SFMBT2: variants seen among roughly 807,000 people sequenced by gnomAD.
SFMBT2 encodes the protein scm-like with four MBT domains protein 2.
A neutral mutation model predicts 110.1 loss-of-function variants in SFMBT2; 38 were observed. The ratio of observed to expected loss-of-function variants is 0.35; its 90% CI spans 0.27 to 0.45. The LOEUF (loss-of-function observed/expected upper bound fraction) is 0.45, where lower values mean the gene tolerates loss of function less well. Ranked by LOEUF, SFMBT2 falls within the 20% of genes least tolerant of loss-of-function variation. The pLI is 1.00. For synonymous variants in SFMBT2, 425 were observed against 425.4 expected (o/e 1.00, Z 0.01); for missense variants, 1,011 against 1,094.9 (o/e 0.92, Z 1.08).
At chr10:7,352,734 G>C (rs1030111892) in intron 4 of SFMBT2, among the ~76,000 whole-genome samples, 1 of 152,122 alleles carries the variant, frequency 6.6e-6, no homozygotes. Flanking sequence ...CACTGGGGCC[G>C]GGCGTGGTGG....
intron 4 of SFMBT2, among the ~76,000 whole-genome samples, chr10:7,325,780 G>A (rs551938039): frequency 2.0e-5 from 3 of 152,260 alleles, no homozygotes; most frequent in East Asian, 1.9e-4. Context: ...GGCTGCTATC[G>A]GGTAACGGTT....
At position 7,171,134 on chromosome 10, in the gene SFMBT2, G is replaced by T; in HGVS notation, c.2416-78C>A. 1 of 1,596,410 alleles carries T rather than the reference G, an allele frequency of 6.3e-7. No individual in the cohort carries two copies. Among genetic ancestry groups the T allele is most frequent in the East Asian group, 2.2e-5 (1 of 44,544 alleles). ...TCCTCTCCAGCACTCTCCAGGCCTC[G>T]GCCGTTCCTGGCCGGAAGCCACTGC... On this transcript the variant is annotated intron_variant, in intron 19 of 20. Coordinates refer to ENST00000397167, the MANE Select transcript of SFMBT2 (RefSeq NM_001387889.1). The surrounding 1 kb of genome is among the most constrained non-coding windows in gnomAD (Gnocchi z 4.9).
intron 7 of SFMBT2, among the ~76,000 whole-genome samples, chr10:7,256,344 A>G (rs753842803): frequency 6.6e-6 from 1 of 152,272 alleles, no homozygotes; most frequent in Non-Finnish European, 1.5e-5. Context: ...AAAGCCCCCT[A>G]GAATTTTCTT....
intron 7 of SFMBT2, among the ~76,000 whole-genome samples, chr10:7,261,020 G>T (rs1554794757): frequency 6.6e-6 from 1 of 151,780 alleles, no homozygotes; most frequent in Non-Finnish European, 1.5e-5. Context: ...CTCACCCATG[G>T]TCTCTCTGTA....
chr10:7,256,890 G>C (rs1275656025), intron 7 of SFMBT2, among the ~76,000 whole-genome samples: 1 of 152,116 alleles, frequency 6.6e-6, no homozygotes, highest in African/African-American at 2.4e-5. Flanking sequence ...TCAGGAGTTT[G>C]AGAGCAGCCT....
In SFMBT2 at chr10:7,206,798, C is replaced by G. The variant is rs185716515; in HGVS notation, c.1331-870G>C. The G allele has an allele frequency of 1.6e-4, 150 of 917,608 alleles. No individual in the cohort carries two copies. In the East Asian group the frequency reaches 0.011, roughly 69 times the overall value. 56.8% of individuals were successfully genotyped at this position (917,608 alleles called of 1,614,324 possible). A position where few individuals can be genotyped will look rare whatever the true frequency, so the allele number is the denominator to read the frequency against. The stretch of plus-strand genomic sequence containing the variant: ...CTAGTTAAAAGAAGAAAATTCGACA[C>G]CAAATCAATAGTTAAGAAAAAAACA... On this transcript the variant is annotated intron_variant, in intron 11 of 20. Transcript: ENST00000397167.
Position 7,251,863 on chromosome 10 carries a change from G to A in SFMBT2, c.871-3214C>T, listed in dbSNP as rs562017919. 3.0e-4 allele frequency among the ~76,000 whole-genome samples: 46 copies of A among 152,226 alleles called. 1 individual carries two copies. The highest frequency in any genetic ancestry group is 9.4e-4 in the African/African-American group (39 of 41,516). Reference sequence around the variant, plus strand: ...GAGGCATTCCTGAGGTCTGGTGCACGGGGACAAGCATGGGTCTTCTCCCTG... The same window carrying A: ...GAGGCATTCCTGAGGTCTGGTGCACAGGGACAAGCATGGGTCTTCTCCCTG... On this transcript the variant is annotated intron_variant, in intron 7 of 20. Transcript: ENST00000397167.
chr10:7,357,392 A>C (rs958042980), intron 4 of SFMBT2, among the ~76,000 whole-genome samples: 2 of 152,150 alleles, frequency 1.3e-5, no homozygotes, highest in African/African-American at 4.8e-5. Flanking sequence ...GCCTCATCAA[A>C]TCAGTCGAAG....
chr10:7,258,419 T>C (rs1231533257), intron 7 of SFMBT2, among the ~76,000 whole-genome samples: 1 of 152,208 alleles, frequency 6.6e-6, no homozygotes, highest in East Asian at 1.9e-4. Flanking sequence ...AGCAACAAAA[T>C]CTTTTAGTGT....
At chr10:7,299,970 T>A in intron 4 of SFMBT2, among the ~76,000 whole-genome samples, 1 of 152,000 alleles carries the variant, frequency 6.6e-6, no homozygotes, top group East Asian at 1.9e-4. Flanking sequence ...TAAAAAGGAA[T>A]GAATACTATG....
At chr10:7,191,884 C>G (rs562249925) in intron 15 of SFMBT2, among the ~76,000 whole-genome samples, 1 of 152,152 alleles carries the variant, frequency 6.6e-6, no homozygotes. Context: ...TAAATTCACT[C>G]CAAGTATTTG....
At chr10:7,357,972 G>C (rs1844574002) in intron 4 of SFMBT2, among the ~76,000 whole-genome samples, 1 of 151,782 alleles carries the variant, frequency 6.6e-6, no homozygotes, top group South Asian at 2.1e-4. Flanking sequence ...AATGAATGGA[G>C]GCATGGCTCT....
intron 10 of SFMBT2, among the ~76,000 whole-genome samples, chr10:7,224,593 TC>T (rs1660209661): frequency 6.6e-6 from 1 of 152,350 alleles, no homozygotes; most frequent in Non-Finnish European, 1.5e-5. Flanking sequence ...TCTCCTGTTC[TC>T]CTGCCTCCTT....
At chr10:7,379,095 G>A (rs1036323060) in intron 2 of SFMBT2, among the ~76,000 whole-genome samples, 2 of 152,086 alleles carry the variant, frequency 1.3e-5, no homozygotes, top group East Asian at 1.9e-4. Flanking sequence ...ATTAACACAC[G>A]CAAAGAACTT....
intron 2 of SFMBT2, among the ~76,000 whole-genome samples, chr10:7,380,867 C>T (rs1013905781): frequency 5.9e-5 from 9 of 152,072 alleles, no homozygotes; most frequent in African/African-American, 2.2e-4. Flanking sequence ...CTGGACAACA[C>T]AGTGAGACCC....
chr10:7,360,350 C>G (rs1314304897), intron 4 of SFMBT2, among the ~76,000 whole-genome samples: 1 of 152,116 alleles, frequency 6.6e-6, no homozygotes, highest in Non-Finnish European at 1.5e-5. Context: ...GCCTGTAGTT[C>G]CAGCTACTCA....
chr10:7,245,557 AC>A (rs1187461486), intron 8 of SFMBT2, among the ~76,000 whole-genome samples: 1 of 152,232 alleles, frequency 6.6e-6, no homozygotes, highest in Admixed American at 6.5e-5. Context: ...CCAGTCCATA[AC>A]CCACAGGACT....
At chr10:7,398,523 C>T (rs1320470611) in intron 1 of SFMBT2, among the ~76,000 whole-genome samples, 2 of 152,172 alleles carry the variant, frequency 1.3e-5, no homozygotes, top group Non-Finnish European at 2.9e-5. Context: ...CAGATATTTA[C>T]ACCCAAGCCA....
intron 10 of SFMBT2, among the ~76,000 whole-genome samples, chr10:7,223,253 G>A (rs1839803140): frequency 1.3e-5 from 2 of 152,206 alleles, no homozygotes; most frequent in African/African-American, 2.4e-5. Context: ...CCCATGAGCA[G>A]TGTGTGAGAG....
Sources: gnomAD v4.1 joint callset for allele counts (sites outside exome capture counted in the v4.1 genomes callset) on GRCh38, gnomAD v4.1.1 for gene constraint, Gnocchi (gnomAD v3.1) non-coding constraint, MANE v1.5 for transcripts, NCBI Gene and HGNC (gene_info 2026-07-23, HGNC 2026-07-21) for gene names.